ZMYM2: variants seen among roughly 807,000 people sequenced by gnomAD.
ZMYM2 encodes the protein zinc finger MYM-type containing 2.
ZMYM2 carries 56 observed loss-of-function variants against 162.8 expected under a neutral mutation model. The ratio of observed to expected loss-of-function variants is 0.34; its 90% CI spans 0.28 to 0.43. The LOEUF is 0.43. ZMYM2 is among the 20% of genes least tolerant of loss of function. The pLI is 1.00. For synonymous variants in ZMYM2, 510 were observed against 541.6 expected (o/e 0.94, Z 0.81); for missense variants, 1,275 against 1,621.8 (o/e 0.79, Z 3.67).
the ZMYM2 span, among the ~76,000 whole-genome samples, chr13:19,909,333 T>C: frequency 2.0e-5 from 3 of 152,186 alleles, no homozygotes; most frequent in Non-Finnish European, 2.9e-5. Context: ...TTTTGTTTAA[T>C]TGGAGGTATT....
At chr13:19,955,606 A>C (rs1163003338), upstream of ZMYM2, among the ~76,000 whole-genome samples, 1 of 152,112 alleles carries the variant, frequency 6.6e-6, no homozygotes, top group Non-Finnish European at 1.5e-5. Context: ...CTTTCACAGA[A>C]GTTACTTGGT....
intron 14 of ZMYM2, among the ~76,000 whole-genome samples, chr13:20,056,834 C>T (rs1955835293): frequency 6.6e-6 from 1 of 152,098 alleles, no homozygotes; most frequent in Admixed American, 6.5e-5. Context: ...TATGCTTGAG[C>T]ACAGTCTCAA....
the ZMYM2 span, among the ~76,000 whole-genome samples, chr13:19,910,019 T>C: frequency 6.8e-6 from 1 of 147,202 alleles, no homozygotes; most frequent in Non-Finnish European, 1.5e-5. Context: ...ATCGAGACCA[T>C]CCTGGCCAAC....
At chr13:19,878,522 T>TCC in the ZMYM2 span, among the ~76,000 whole-genome samples, 1 of 142,616 alleles carries the variant, frequency 7.0e-6, no homozygotes, top group Non-Finnish European at 1.5e-5. Flanking sequence ...TTGCCCTTTT[T>TCC]TTTTTTTTTT....
the ZMYM2 span, among the ~76,000 whole-genome samples, chr13:19,936,846 A>C: frequency 6.6e-6 from 1 of 152,118 alleles, no homozygotes; most frequent in Non-Finnish European, 1.5e-5. Context: ...AATTTCATAG[A>C]TTTACTAAAA....
At chr13:19,885,918 C>CATATATATGTGTAT in the ZMYM2 span, among the ~76,000 whole-genome samples, 23 of 47,482 alleles carry the variant, frequency 4.8e-4, 8 homozygotes, top group East Asian at 0.023. Context: ...TGTATATACA[C>CATATATATGTGTAT]ATATATATGT....
the ZMYM2 span, among the ~76,000 whole-genome samples, chr13:19,885,891 G>GTATACACACATATATA: frequency 8.0e-5 from 8 of 99,626 alleles, no homozygotes; most frequent in African/African-American, 3.4e-4. Flanking sequence ...ACATATATAT[G>GTATACACACATATATA]TGTATACACA....
At chr13:19,927,584 T>C in the ZMYM2 span, among the ~76,000 whole-genome samples, 2 of 152,224 alleles carry the variant, frequency 1.3e-5, no homozygotes, top group African/African-American at 4.8e-5. Context: ...TTATTTGCTG[T>C]TAAGGATGTG....
the ZMYM2 span, among the ~76,000 whole-genome samples, chr13:19,872,292 T>G: frequency 6.6e-6 from 1 of 152,174 alleles, no homozygotes; most frequent in Admixed American, 6.6e-5. Flanking sequence ...GGCTCATGCC[T>G]GTAATCCCAG....
chr13:19,958,376 C>T (rs1382508569), upstream of ZMYM2, among the ~76,000 whole-genome samples: 1 of 151,800 alleles, frequency 6.6e-6, no homozygotes, highest in Non-Finnish European at 1.5e-5. Context: ...GTGTAGGTCC[C>T]GGAGAGCCCC....
intron 7 of ZMYM2, among the ~76,000 whole-genome samples, chr13:20,023,392 A>G (rs758503110): frequency 3.9e-5 from 6 of 152,208 alleles, no homozygotes; most frequent in Non-Finnish European, 8.8e-5. Context: ...GATTGGTCCA[A>G]ATGTACCAAA....
intron 2 of ZMYM2, among the ~76,000 whole-genome samples, chr13:19,978,630 G>T (rs1343438680): frequency 1.3e-5 from 2 of 151,966 alleles, no homozygotes; most frequent in African/African-American, 2.4e-5. Context: ...GGTCAGGCTG[G>T]TCTGAAACTC....
intron 10 of ZMYM2, among the ~76,000 whole-genome samples, 189 bp from the exon 11 acceptor site, chr13:20,034,065 T>G (rs183085332): frequency 6.3e-4 from 96 of 152,330 alleles, no homozygotes; most frequent in Admixed American, 5.0e-3. Flanking sequence ...TGGCACTGAA[T>G]TTTGTGGAGC....
rs1298083796 is a variant in ZMYM2 at position 20,048,296 on chromosome 13, T to TAA, written c.2293-3134_2293-3133dup. Among the ~76,000 whole-genome samples the TAA allele has an allele frequency of 1.1e-4, 17 of 151,380 alleles. No homozygotes were observed. The East Asian group carries it at 1.9e-3, about 17-fold the overall frequency. ...TATAAACAGCTATATCCATTTTTTT[T>TAA]AAAATTTTTTTGAAATTATTTTTAG... On this transcript the variant is annotated intron_variant, in intron 12 of 24. Transcript: ENST00000610343.
At chr13:20,038,005 C>G (rs1261490413) in intron 12 of ZMYM2, among the ~76,000 whole-genome samples, 1 of 152,102 alleles carries the variant, frequency 6.6e-6, no homozygotes, top group Non-Finnish European at 1.5e-5. Flanking sequence ...TGTTTGTGTT[C>G]TCATCATTTA....
At chr13:19,871,198 A>C in the ZMYM2 span, among the ~76,000 whole-genome samples, 2 of 152,314 alleles carry the variant, frequency 1.3e-5, no homozygotes, top group African/African-American at 4.8e-5. Flanking sequence ...AAATGGTAGC[A>C]ATGTATGGTT....
chr13:19,991,455 C>T (rs1300736248), intron 2 of ZMYM2, among the ~76,000 whole-genome samples: 1 of 151,970 alleles, frequency 6.6e-6, no homozygotes, highest in South Asian at 2.1e-4. Flanking sequence ...TTTTCTTTGA[C>T]TTCAGCACAA....
At chr13:19,959,684 C>T (rs1397519419) in intron 1 of ZMYM2, among the ~76,000 whole-genome samples, 1 of 152,156 alleles carries the variant, frequency 6.6e-6, no homozygotes, top group Admixed American at 6.5e-5. Flanking sequence ...TTCCCTTCCC[C>T]CCTCCCTTCC....
chr13:20,012,530 G>A (rs948891214), intron 6 of ZMYM2, among the ~76,000 whole-genome samples: 3 of 152,038 alleles, frequency 2.0e-5, no homozygotes, highest in East Asian at 1.9e-4. Flanking sequence ...TCGTGCTTTC[G>A]GTGTCATTTA....
Sources: gnomAD v4.1 joint callset for allele counts (sites outside exome capture counted in the v4.1 genomes callset) on GRCh38, gnomAD v4.1.1 for gene constraint, MANE v1.5 for transcripts, NCBI Gene and HGNC (gene_info 2026-07-23, HGNC 2026-07-21) for gene names.